The following LAMA4 variants were observed in gnomAD, a reference collection of about 807,000 sequenced individuals.
LAMA4 encodes the protein laminin subunit alpha-4.
A neutral mutation model predicts 207.1 loss-of-function variants in LAMA4; 127 were observed. The observed-to-expected ratio is 0.61, with a 90% CI of 0.53 to 0.71. The LOEUF (loss-of-function observed/expected upper bound fraction) is 0.71, where lower values mean the gene tolerates loss of function less well. Ranked by LOEUF, LAMA4 falls within the 30% of genes least tolerant of loss-of-function variation. The probability of loss-of-function intolerance (pLI) is 0.00; values close to 1 mark genes in which losing one functional copy is unlikely to be tolerated. For missense variants in LAMA4, 2,093 were observed against 2,246.5 expected, an observed-to-expected ratio of 0.93 and a Z score of 1.38; for synonymous variants, 761 against 816.0, an observed-to-expected ratio of 0.93 and a Z score of 1.15.
chr6:112,109,561 A>G lies in LAMA4; in HGVS notation c.5348T>C (p.Leu1783Ser). ...GVPESLLTPR[L>S]APSKPFTGCI... is the part of the protein sequence containing the mutation. ...GCCTGTGAAGGGTTTGCTGGGGGCC[A>G]AGCGTGGTGTCAGTAGAGATTCTGA... Residue 1783 changes from leucine (L) to serine (S), a missense_variant, in exon 39 of 39, where the codon TTG becomes TCG. Physicochemically the swap from Leu to Ser is moderately radical, Grantham distance 145. Coordinates refer to ENST00000230538, the MANE Select transcript of LAMA4 (RefSeq NM_001105206.3). 2 of 1,614,132 alleles carry G rather than the reference A, an allele frequency of 1.2e-6. No individual in the cohort carries two copies.
rs782428408 is a variant in LAMA4, at chr6:112,187,522, C to T, written c.894G>A (p.Val298=). Residue 298 remains valine, a synonymous_variant, in exon 8 of 39, where the codon GTG becomes GTA. Coordinates refer to ENST00000230538, the MANE Select transcript of LAMA4 (RefSeq NM_001105206.3). ...ALSIEEGKSG[V]LSVSSGAAAH... is the part of the protein sequence containing the mutation. The stretch of plus-strand genomic sequence containing the variant: ...CGGCGGCCCCAGAGGATACGCTCAG[C>T]ACCCCGGATTTGCCTTCCTCGATGG... 2.8e-5 allele frequency: 46 copies of T among 1,614,126 alleles called. No individual in the cohort carries two copies. In the South Asian group the frequency reaches 5.1e-4, roughly 18 times the overall value.
chr6:112,191,668 T>G lies in LAMA4; in HGVS notation c.686A>C (p.Tyr229Ser), dbSNP rs767693296. 4 of 1,613,936 alleles carry G rather than the reference T, an allele frequency of 2.5e-6. No homozygotes were observed. The highest frequency in any genetic ancestry group is 2.5e-6 in the Non-Finnish European group (3 of 1,179,838). ...FKCERCAPGY[Y>S]GDARIAKNCA... is the part of the protein sequence containing the mutation. ...GTTCTTGGCTATCCTGGCGTCCCCA[T>G]AGTAGCCAGGAGCGCAACGTTCACA... The change falls in exon 6 of 39, where the codon TAT becomes TCT. Residue 229 changes from tyrosine to serine, a missense_variant. Physicochemically the swap from Tyr to Ser is moderately radical, Grantham distance 144. Around this residue, in one of 3 missense-constraint regions of LAMA4, gnomAD observed 1,704 missense variants for 1,788.4 expected, o/e 0.95. Coordinates refer to ENST00000230538, the MANE Select transcript of LAMA4 (RefSeq NM_001105206.3).
chr6:112,120,374 G>A lies in LAMA4; in HGVS notation c.4574C>T (p.Ala1525Val). The change falls in exon 33 of 39, where the codon GCC becomes GTC. Residue 1525 changes from alanine (A) to valine (V), a missense_variant. Ala to Val is a moderately conservative substitution (Grantham distance 64). Around this residue, in one of 3 missense-constraint regions of LAMA4, gnomAD observed 383 missense variants for 437.8 expected, o/e 0.87. Coordinates refer to ENST00000230538, the MANE Select transcript of LAMA4 (RefSeq NM_001105206.3). ...AAACATGTAAACCAAGCGGCCATGG[G>A]CCAAAAATAGAGTCATGAAGTCATT... ...EENDFMTLFL[A>V]HGRLVYMFNV... The A allele has an allele frequency of 6.2e-7, 1 of 1,613,826 alleles. No homozygotes were observed. The highest frequency in any genetic ancestry group is 8.5e-7 in the Non-Finnish European group (1 of 1,179,822).
intron 8 of LAMA4, chr6:112,186,883 G>A (rs1237665617): frequency 1.3e-5 from 6 of 455,532 alleles, no homozygotes; most frequent in Non-Finnish European, 2.6e-5. Context: ...CTTTTAACTT[G>A]TTTACTAGGT....
chr6:112,158,081 G>C (rs545565668), intron 14 of LAMA4: 2 of 152,448 alleles, frequency 1.3e-5, no homozygotes, highest in African/African-American at 4.8e-5. Flanking sequence ...ATTATTTCAG[G>C]GTCATGAATT....
intron 2 of LAMA4, among the ~76,000 whole-genome samples, chr6:112,237,123 C>T (rs1413752093): frequency 6.6e-6 from 1 of 152,118 alleles, no homozygotes; most frequent in Non-Finnish European, 1.5e-5. Flanking sequence ...ATGACCGAGA[C>T]AAAAGTGGAA....
intron 29 of LAMA4, among the ~76,000 whole-genome samples, chr6:112,130,625 G>A (rs1223088017): frequency 1.3e-5 from 2 of 151,926 alleles, no homozygotes; most frequent in Non-Finnish European, 2.9e-5. Context: ...TTTGACTCAA[G>A]GTCTAAACAA....
Position 112,254,199 on chromosome 6 carries a change from GT to G in LAMA4, c.-50del, listed in dbSNP as rs1554190634. 6.2e-7 allele frequency: 1 copy of G among 1,608,898 alleles called. No individual in the cohort carries two copies. Among genetic ancestry groups the G allele is most frequent in the East Asian group, 2.2e-5 (1 of 44,840 alleles). On this transcript the variant is annotated 5_prime_UTR_variant, in exon 2 of 39. Transcript: ENST00000230538. ...CTCTTCCAGGGCTCGGGCGCTGTGGGTCTCCGTAGGTCTCCCGCGTGGTGCG... is the reference window on the plus strand; with the variant it reads ...CTCTTCCAGGGCTCGGGCGCTGTGGGCTCCGTAGGTCTCCCGCGTGGTGCG...
In LAMA4 at chr6:112,175,470, G is replaced by T. The variant is rs375622742; in HGVS notation, c.1200C>A (p.Asn400Lys). 12 of 1,614,050 alleles carry T rather than the reference G, an allele frequency of 7.4e-6. No homozygotes were observed. Among genetic ancestry groups the T allele is most frequent in the South Asian group, 1.1e-5 (1 of 91,090 alleles). ...GCTCTTCCCCATAATAGAGCATCTTGTTGTTGATCTCTGAAAGGAAGAACA... is the reference window on the plus strand; with the variant it reads ...GCTCTTCCCCATAATAGAGCATCTTTTTGTTGATCTCTGAAAGGAAGAACA... ...DMRDKIQEIN[N>K]KMLYYGEEHE... Residue 400 changes from asparagine to lysine, a missense_variant, in exon 11 of 39, where the codon AAC becomes AAA. Physicochemically the swap from Asn to Lys is moderately conservative, Grantham distance 94. Transcript: ENST00000230538.
chr6:112,175,554 G>T, intron 10 of LAMA4, 74 bp from the exon 11 acceptor site: 1 of 1,473,476 alleles, frequency 6.8e-7, no homozygotes, highest in Non-Finnish European at 9.5e-7. Context: ...GGGAGCAAGG[G>T]CTGTGGGCAA....
intron 28 of LAMA4, among the ~76,000 whole-genome samples, chr6:112,132,414 A>ACC (rs1779089495): frequency 6.6e-6 from 1 of 152,134 alleles, no homozygotes; most frequent in Non-Finnish European, 1.5e-5. Flanking sequence ...GGTACTGGTA[A>ACC]TACTACTGTG....
intron 19 of LAMA4, among the ~76,000 whole-genome samples, chr6:112,144,138 A>C (rs528453337): frequency 4.5e-4 from 68 of 152,232 alleles, no homozygotes; most frequent in Non-Finnish European, 8.7e-4. Context: ...AACAAGCTCC[A>C]CTTTGCCACA....
chr6:112,186,888 C>G (rs781910913), intron 8 of LAMA4: 1 of 455,562 alleles, frequency 2.2e-6, no homozygotes, highest in Non-Finnish European at 4.4e-6. Context: ...AACTTGTTTA[C>G]TAGGTATTAA....
intron 12 of LAMA4, among the ~76,000 whole-genome samples, chr6:112,168,347 T>C (rs886098512): frequency 6.9e-6 from 1 of 144,916 alleles, no homozygotes; most frequent in African/African-American, 2.6e-5. Flanking sequence ...CTAGTGTTCT[T>C]TTTTTTTTTT....
In LAMA4 at chr6:112,254,028, C is replaced by G; in HGVS notation, c.123G>C (p.Ala41=). The G allele has an allele frequency of 1.3e-6, 2 of 1,593,560 alleles. No individual in the cohort carries two copies. Among genetic ancestry groups the G allele is most frequent in the Non-Finnish European group, 8.5e-7 (1 of 1,169,704 alleles). Residue 41 remains alanine, a synonymous_variant, in exon 2 of 39, where the codon GCG becomes GCC. Transcript: ENST00000230538. ...AFPFDIEGSS[A]VGRQDPPETS... ...TCTCAGGCGGGTCTTGCCTGCCAAC[C>G]GCTGAGCTCCCTTCAATGTCAAAAG...
chr6:112,201,775 G>T, intron 4 of LAMA4, 87 bp from the exon 5 acceptor site: 3 of 1,117,768 alleles, frequency 2.7e-6, no homozygotes, highest in Non-Finnish European at 4.1e-6. Flanking sequence ...CTCTATGTTG[G>T]TCCCATTAAA....
chr6:112,143,240 T>A (rs551584518), intron 19 of LAMA4, among the ~76,000 whole-genome samples: 162 of 152,078 alleles, frequency 1.1e-3, no homozygotes, highest in African/African-American at 3.9e-3. Flanking sequence ...TCCAAATGAC[T>A]GGAGTGCAGC....
At chr6:112,216,280 G>T in intron 3 of LAMA4, 88 bp downstream of exon 3, 2 of 898,066 alleles carry the variant, frequency 2.2e-6, no homozygotes, top group South Asian at 1.3e-5. Flanking sequence ...GCTCCTATGT[G>T]GCTCAAACAT....
At chr6:112,159,050 G>A in intron 13 of LAMA4, 170 bp from the exon 14 acceptor site, 1 of 599,624 alleles carries the variant, frequency 1.7e-6, no homozygotes, top group South Asian at 2.0e-5. Context: ...ATCCCGCATT[G>A]CCAGCTCTTT....
Sources: allele counts gnomAD v4.1 joint callset (sites outside exome capture counted in the v4.1 genomes callset), GRCh38; gene constraint gnomAD v4.1.1; regional missense constraint gnomAD v4.1.1; transcripts MANE v1.5; gene names NCBI Gene and HGNC (gene_info 2026-07-23, HGNC 2026-07-21).